The following TMEM219 variants were observed in gnomAD, a reference collection of about 807,000 sequenced individuals.
TMEM219 encodes the protein transmembrane protein 219.
A neutral mutation model predicts 17.9 loss-of-function variants in TMEM219; 18 were observed. The ratio of observed to expected loss-of-function variants is 1.01; its 90% confidence interval spans 0.70 to 1.49. The LOEUF (loss-of-function observed/expected upper bound fraction) is 1.49, where lower values mean the gene tolerates loss of function less well. TMEM219 is among the 40% of genes most tolerant of loss of function. TMEM219 has a pLI of 0.00. For synonymous variants in TMEM219, 113 were observed against 124.0 expected (o/e 0.91, Z 0.59); for missense variants, 288 against 292.4 (o/e 0.99, Z 0.11).
rs1246518488 is a variant in TMEM219 at position 29,963,271 on chromosome 16, C to T, written c.128C>T (p.Thr43Ile). Reference protein sequence around the residue: ...SGLGLGSFLLTHRTGLRSPDI... With the variant: ...SGLGLGSFLLIHRTGLRSPDI... ...CTGGGCCTTGGCAGCTTCCTCCTCACCCACAGGACTGGCCTGCGCAGCCCT... is the reference window on the plus strand; with the variant it reads ...CTGGGCCTTGGCAGCTTCCTCCTCATCCACAGGACTGGCCTGCGCAGCCCT... Residue 43 changes from threonine to isoleucine, a missense_variant, in exon 2 of 6, where the codon ACC (threonine) becomes ATC (isoleucine). Coordinates refer to ENST00000279396, the MANE Select transcript of TMEM219 (RefSeq NM_001083613.2). 1.9e-6 allele frequency: 3 copies of T among 1,614,090 alleles called. No individual in the cohort carries two copies. The highest frequency in any genetic ancestry group is 2.5e-6 in the Non-Finnish European group (3 of 1,180,030).
Position 29,963,080 on chromosome 16 carries a change from G to T in TMEM219, c.-37-27G>T, listed in dbSNP as rs1260232564. 18 of 1,575,114 alleles carry T rather than the reference G, an allele frequency of 1.1e-5. No homozygotes were observed. In the East Asian group the frequency reaches 3.6e-4, roughly 31 times the overall value. On this transcript the variant is annotated intron_variant, in intron 1 of 5. Coordinates refer to ENST00000279396, the MANE Select transcript of TMEM219 (RefSeq NM_001083613.2). ...CTCTTTGCGTAAAAGCGGTGCTCTTGTCCCATTCTCCCTCCCTGTCTTCCA... is the reference window on the plus strand; with the variant it reads ...CTCTTTGCGTAAAAGCGGTGCTCTTTTCCCATTCTCCCTCCCTGTCTTCCA...
At chr16:29,967,648 C>T (rs2069227788) in intron 3 of TMEM219, among the ~76,000 whole-genome samples, 1 of 152,062 alleles carries the variant, frequency 6.6e-6, no homozygotes, top group African/African-American at 2.4e-5. Flanking sequence ...AAGAAAAGGG[C>T]CGGGCACGGT....
intron 5 of TMEM219, chr16:29,971,824 T>C: frequency 3.3e-6 from 1 of 307,540 alleles, no homozygotes; most frequent in Non-Finnish European, 6.0e-6. Context: ...AAAAGTCCAA[T>C]AGTATAAAAG....
rs951325799 is a variant in TMEM219, at chr16:29,971,201, G to A, written c.586-207G>A. 3.0e-4 allele frequency among the ~76,000 whole-genome samples: 45 copies of A among 150,624 alleles called. 2 individuals are homozygous for A. Among genetic ancestry groups the A allele is most frequent in the African/African-American group, 1.2e-4 (5 of 40,780 alleles). ...GCGGAGCTTGCAGTGAGCTGAGATC[G>A]CGCCACTGCACTCTAGCCTGGGCGA... On this transcript the variant is annotated intron_variant, in intron 4 of 5. Coordinates refer to ENST00000279396, the MANE Select transcript of TMEM219 (RefSeq NM_001083613.2).
At chr16:29,965,190 C>T (rs1411696601) in intron 3 of TMEM219, among the ~76,000 whole-genome samples, 2 of 152,052 alleles carry the variant, frequency 1.3e-5, no homozygotes, top group Non-Finnish European at 2.9e-5. Flanking sequence ...GTGGTATTTT[C>T]TGACTTCTGA....
At position 29,963,163 on chromosome 16, in the gene TMEM219, G is replaced by A. The variant is rs1167526678; in HGVS notation, c.20G>A (p.Gly7Glu). MGNCQA[G>E]HNLHLCLAHH... ...CTCCCCATGGGCAACTGCCAGGCAG[G>A]GCACAACCTGCACCTGTGTCTGGCC... The change falls in exon 2 of 6, where the codon GGG (glycine) becomes GAG (glutamate). Residue 7 changes from glycine to glutamate, a missense_variant. Transcript: ENST00000279396. The A allele has an allele frequency of 1.2e-6, 2 of 1,612,728 alleles. No individual in the cohort carries two copies. The highest frequency in any genetic ancestry group is 3.3e-5 in the Admixed American group (2 of 60,022).
intron 4 of TMEM219, 87 bp from the exon 5 acceptor site, chr16:29,971,321 G>A: frequency 1.4e-6 from 2 of 1,449,832 alleles, no homozygotes; most frequent in East Asian, 4.6e-5. Flanking sequence ...TAGATGTGGA[G>A]AGCCCTCTCC....
At chr16:29,971,862 G>T in intron 5 of TMEM219, 1 of 235,790 alleles carries the variant, frequency 4.2e-6, no homozygotes, top group Non-Finnish European at 8.4e-6. Flanking sequence ...TTATAAAGTG[G>T]ATACTTATAA....
intron 4 of TMEM219, among the ~76,000 whole-genome samples, chr16:29,969,487 G>A (rs892623717): frequency 6.6e-6 from 1 of 151,952 alleles, no homozygotes; most frequent in Non-Finnish European, 1.5e-5. Flanking sequence ...GAGCCACTGC[G>A]CCTGGCGACC....
chr16:29,964,934 GTTTGACCTAATGTTT>G (rs1405981963), intron 3 of TMEM219, among the ~76,000 whole-genome samples: 1 of 152,170 alleles, frequency 6.6e-6, no homozygotes, highest in Non-Finnish European at 1.5e-5. Flanking sequence ...AATGGGCTAG[GTTTGACCTAATGTTT>G]TCTCATCCTT....
chr16:29,968,383 G>A lies in TMEM219; in HGVS notation c.585+129G>A, dbSNP rs544135575. The A allele has an allele frequency of 1.6e-5, 11 of 697,308 alleles. No homozygotes were observed. The South Asian group carries it at 2.1e-4, about 13-fold the overall frequency. The allele number at this position is 697,308 out of a possible 1,614,324, so 43.2% of individuals were successfully genotyped here. A position where few individuals can be genotyped will look rare whatever the true frequency, so the allele number is the denominator to read the frequency against. On this transcript the variant is annotated intron_variant, in intron 4 of 5. Coordinates refer to ENST00000279396, the MANE Select transcript of TMEM219 (RefSeq NM_001083613.2). The stretch of plus-strand genomic sequence containing the variant: ...TTTATAACCCTGCCTTGGGGGCTGT[G>A]TGACGTAGAACAAGTGTCTAAACAT...
At chr16:29,971,291 T>A in intron 4 of TMEM219, 117 bp from the exon 5 acceptor site, 2 of 1,098,948 alleles carry the variant, frequency 1.8e-6, no homozygotes, top group Non-Finnish European at 2.6e-6. Flanking sequence ...GAAAATAACA[T>A]TTTCCCTTCA....
At chr16:29,968,422 C>T (rs2069242619) in intron 4 of TMEM219, 168 bp downstream of exon 4, 1 of 581,406 alleles carries the variant, frequency 1.7e-6, no homozygotes, top group Non-Finnish European at 3.1e-6. Context: ...TGAGTGTCAG[C>T]ATCCTCATCT....
intron 3 of TMEM219, among the ~76,000 whole-genome samples, chr16:29,964,506 C>T (rs1357380079): frequency 6.6e-6 from 1 of 150,406 alleles, no homozygotes; most frequent in Non-Finnish European, 1.5e-5. Context: ...AACAAAAATA[C>T]AAAAAGTAGC....
intron 4 of TMEM219, among the ~76,000 whole-genome samples, chr16:29,969,358 G>A (rs970095645): frequency 2.6e-5 from 4 of 151,278 alleles, no homozygotes; most frequent in Admixed American, 6.6e-5. Flanking sequence ...CACCATGCCC[G>A]GCTAATTTTT....
At chr16:29,962,710 C>T (rs1324827398) in intron 1 of TMEM219, 2 of 170,486 alleles carry the variant, frequency 1.2e-5, no homozygotes, top group Non-Finnish European at 2.6e-5. Flanking sequence ...CAGTGAATAA[C>T]AGAAAGGGAT....
chr16:29,964,339 C>T (rs1428110672), intron 3 of TMEM219, among the ~76,000 whole-genome samples: 4 of 150,656 alleles, frequency 2.7e-5, no homozygotes. Context: ...AAAAATTAGC[C>T]AGGCTTGGTG....
intron 3 of TMEM219, among the ~76,000 whole-genome samples, chr16:29,967,461 A>T (rs2150863610): frequency 6.6e-6 from 1 of 152,232 alleles, no homozygotes; most frequent in East Asian, 1.9e-4. Context: ...AATTTTTTTA[A>T]ATTAGCCAGG....
At chr16:29,972,305 A>G (rs1457192765) in intron 5 of TMEM219, among the ~76,000 whole-genome samples, 1 of 152,344 alleles carries the variant, frequency 6.6e-6, no homozygotes, top group East Asian at 1.9e-4. Context: ...TACTGGGGAC[A>G]TAGTATGTGC....
Sources: allele counts gnomAD v4.1 joint callset (sites outside exome capture counted in the v4.1 genomes callset), GRCh38; gene constraint gnomAD v4.1.1; transcripts MANE v1.5; gene names NCBI Gene and HGNC (gene_info 2026-07-23, HGNC 2026-07-21).